CLVS2: variants seen among roughly 807,000 people sequenced by gnomAD.
The protein encoded by CLVS2 is clavesin-2.
CLVS2 carries 19 observed loss-of-function variants against 29.0 expected under a neutral mutation model. That is an observed-to-expected ratio of 0.66 (90% CI 0.46 to 0.96). CLVS2 has a LOEUF of 0.96. CLVS2 is among the 40% of genes least tolerant of loss of function. The probability of loss-of-function intolerance (pLI) is 0.00; values close to 1 mark genes in which losing one functional copy is unlikely to be tolerated. For synonymous variants in CLVS2, 161 were observed against 151.3 expected (o/e 1.06, Z -0.47); for missense variants, 294 against 404.1 (o/e 0.73, Z 2.34).
chr6:123,054,395 C>A (rs1582664199), intron 4 of CLVS2, among the ~76,000 whole-genome samples: 1 of 152,160 alleles, frequency 6.6e-6, no homozygotes, highest in East Asian at 1.9e-4. Context: ...CTTCCACCTC[C>A]TGTGGGCCTC....
chr6:123,052,025 T>C (rs1772618311), intron 4 of CLVS2, among the ~76,000 whole-genome samples: 1 of 152,182 alleles, frequency 6.6e-6, no homozygotes, highest in Non-Finnish European at 1.5e-5. Context: ...AGCATCATCA[T>C]ATAATATATA....
chr6:123,025,523 T>C (rs1774988619), intron 3 of CLVS2, among the ~76,000 whole-genome samples: 3 of 152,114 alleles, frequency 2.0e-5, no homozygotes, highest in African/African-American at 7.2e-5. Flanking sequence ...AAGGGTGAAC[T>C]GTAATGGATA....
Position 123,023,251 on chromosome 6 carries a change from AAAG to A in CLVS2, c.564+12096_564+12098del, listed in dbSNP as rs546253995. Among the ~76,000 whole-genome samples the A allele has an allele frequency of 1.1e-4, 17 of 152,140 alleles. No individual in the cohort carries two copies. The South Asian group carries it at 3.5e-3, about 32-fold the overall frequency. On this transcript the variant is annotated intron_variant, in intron 3 of 5. Coordinates refer to ENST00000275162, the MANE Select transcript of CLVS2 (RefSeq NM_001010852.4). ...TTTCTCTCTAGCCATCAAGGCCTTTAAAGAAGGTCTCTCTCTTAGAATAACTTG... is the reference window on the plus strand; with the variant it reads ...TTTCTCTCTAGCCATCAAGGCCTTTAAAGGTCTCTCTCTTAGAATAACTTG...
chr6:123,064,789 A>C lies in CLVS2; in HGVS notation c.*1028A>C, dbSNP rs917408164. 3 of 151,930 alleles carry C rather than the reference A, an allele frequency of 2.0e-5. No individual in the cohort carries two copies. Among genetic ancestry groups the C allele is most frequent in the African/African-American group, 7.2e-5 (3 of 41,414 alleles). The allele number at this position is 151,930 out of a possible 1,614,324, so 9.4% of individuals were successfully genotyped here. A position where few individuals can be genotyped will look rare whatever the true frequency, so the allele number is the denominator to read the frequency against. On this transcript the variant is annotated 3_prime_UTR_variant, in exon 6 of 6. Transcript: ENST00000275162. The stretch of plus-strand genomic sequence containing the variant: ...ATGATCTTATGGATAATTACATGAG[A>C]TAACTCTGGAAAACTACTTCCACTG...
intron 3 of CLVS2, among the ~76,000 whole-genome samples, chr6:123,029,641 A>G (rs1227156257): frequency 1.3e-5 from 2 of 152,154 alleles, no homozygotes; most frequent in African/African-American, 4.8e-5. Context: ...GTAAAAAAAA[A>G]TAAGTTTTTT....
rs746220823 is a variant in CLVS2, at chr6:123,066,943, C to T, written c.*3182C>T. The stretch of plus-strand genomic sequence containing the variant: ...AACTTTAGTACATGTTAATGATAAA[C>T]GTGGCACTAGGCTAAAACGATATAC... On this transcript the variant is annotated 3_prime_UTR_variant, in exon 6 of 6. Coordinates refer to ENST00000275162, the MANE Select transcript of CLVS2 (RefSeq NM_001010852.4). The T allele has an allele frequency of 1.3e-4, 19 of 151,598 alleles. No homozygotes were observed. The highest frequency in any genetic ancestry group is 2.0e-4 in the Admixed American group (3 of 15,162). The allele number at this position is 151,598 out of a possible 1,614,324, so 9.4% of individuals were successfully genotyped here.
At chr6:123,034,212 T>G (rs150333640) in intron 3 of CLVS2, among the ~76,000 whole-genome samples, 56 of 152,230 alleles carry the variant, frequency 3.7e-4, no homozygotes, top group African/African-American at 1.3e-3. Flanking sequence ...CTGGAACATC[T>G]AATGCAGAGA....
intron 4 of CLVS2, among the ~76,000 whole-genome samples, chr6:123,049,806 G>GA (rs1554203169): frequency 7.2e-6 from 1 of 139,100 alleles, no homozygotes; most frequent in Non-Finnish European, 1.5e-5. Flanking sequence ...TTGTGGGATG[G>GA]GGGGCGGGGA....
At chr6:123,025,871 G>A (rs1774992974) in intron 3 of CLVS2, among the ~76,000 whole-genome samples, 1 of 151,974 alleles carries the variant, frequency 6.6e-6, no homozygotes, top group African/African-American at 2.4e-5. Flanking sequence ...TTTCTTATGA[G>A]TTTTGCTCCT....
At chr6:123,012,517 A>G (rs891103745) in intron 3 of CLVS2, among the ~76,000 whole-genome samples, 9 of 151,930 alleles carry the variant, frequency 5.9e-5, no homozygotes, top group African/African-American at 2.2e-4. Context: ...AAACACTTCA[A>G]GAATAGACTC....
At chr6:123,033,505 C>T (rs151012137) in intron 3 of CLVS2, among the ~76,000 whole-genome samples, 165 of 152,054 alleles carry the variant, frequency 1.1e-3, no homozygotes, top group African/African-American at 3.8e-3. Context: ...ATTGGAAAAG[C>T]ACAGGCAAAT....
chr6:123,045,135 C>G (rs1772465916), intron 3 of CLVS2, among the ~76,000 whole-genome samples: 1 of 150,278 alleles, frequency 6.7e-6, no homozygotes, highest in South Asian at 2.1e-4. Context: ...TTATCTACCT[C>G]TTTTGGGACA....
Position 123,068,117 on chromosome 6 carries a change from GA to G in CLVS2, c.*4358del, listed in dbSNP as rs2114377942. 1 of 151,536 alleles carries G rather than the reference GA, an allele frequency of 6.6e-6. No homozygotes were observed. The highest frequency in any genetic ancestry group is 2.4e-5 in the African/African-American group (1 of 41,422). The allele number at this position is 151,536 out of a possible 1,614,324, so 9.4% of individuals were successfully genotyped here. A position where few individuals can be genotyped will look rare whatever the true frequency, so the allele number is the denominator to read the frequency against. ...TCTGTTATGTACTAACTATGGGAATGAATTCTCCAGTACCATAGGAAAATAT... is the reference window on the plus strand; with the variant it reads ...TCTGTTATGTACTAACTATGGGAATGATTCTCCAGTACCATAGGAAAATAT... On this transcript the variant is annotated 3_prime_UTR_variant, in exon 6 of 6. Coordinates refer to ENST00000275162, the MANE Select transcript of CLVS2 (RefSeq NM_001010852.4).
At chr6:123,047,332 C>T (rs1679768079) in intron 3 of CLVS2, among the ~76,000 whole-genome samples, 1 of 151,948 alleles carries the variant, frequency 6.6e-6, no homozygotes, top group African/African-American at 2.4e-5. Flanking sequence ...AATAACCTCT[C>T]AATGAATGAA....
At chr6:123,024,888 A>T (rs1160502712) in intron 3 of CLVS2, among the ~76,000 whole-genome samples, 4 of 152,104 alleles carry the variant, frequency 2.6e-5, no homozygotes, top group Non-Finnish European at 4.4e-5. Flanking sequence ...CCTAGGAGAA[A>T]TATAAATGGG....
At chr6:123,032,745 T>G (rs1775099869) in intron 3 of CLVS2, among the ~76,000 whole-genome samples, 1 of 152,036 alleles carries the variant, frequency 6.6e-6, no homozygotes, top group Non-Finnish European at 1.5e-5. Context: ...ATACAAAAAT[T>G]ATAGGTAAGT....
chr6:123,048,597 T>C, intron 3 of CLVS2, 25 bp from the exon 4 acceptor site: 1 of 1,483,680 alleles, frequency 6.7e-7, no homozygotes, highest in South Asian at 1.1e-5. Context: ...ATATTTTGAT[T>C]GTTTTTTTCT....
At chr6:123,008,491 A>G (rs966044879) in intron 2 of CLVS2, among the ~76,000 whole-genome samples, 3 of 152,126 alleles carry the variant, frequency 2.0e-5, no homozygotes, top group South Asian at 2.1e-4. Context: ...TTTACTACAT[A>G]CAATGTATCA....
intron 2 of CLVS2, 53 bp downstream of exon 2, chr6:122,998,219 A>C: frequency 6.5e-7 from 1 of 1,545,948 alleles, no homozygotes. Context: ...ATTTTCCAGA[A>C]TTTACCCCGA....
Sources: gnomAD v4.1 joint callset for allele counts (sites outside exome capture counted in the v4.1 genomes callset) on GRCh38, gnomAD v4.1.1 for gene constraint, MANE v1.5 for transcripts, NCBI Gene and HGNC (gene_info 2026-07-23, HGNC 2026-07-21) for gene names.